The following VIRMA variants were observed in gnomAD, a reference collection of about 807,000 sequenced individuals.
The protein encoded by VIRMA is protein virilizer homolog.
In VIRMA, 65 loss-of-function variants were observed where a neutral mutation model predicts 182.4. The ratio of observed to expected loss-of-function variants is 0.36; its 90% CI spans 0.29 to 0.44. VIRMA has a LOEUF of 0.44. Among genes scored for constraint, VIRMA ranks in the 20% least tolerant of loss-of-function variants. The pLI is 1.00. For missense variants in VIRMA, 1,752 were observed against 2,158.1 expected, an observed-to-expected ratio of 0.81 and a Z score of 3.73; for synonymous variants, 709 against 743.1, an observed-to-expected ratio of 0.95 and a Z score of 0.75.
chr8:94,549,608 T>C (rs540182621), intron 1 of VIRMA, among the ~76,000 whole-genome samples: 1 of 152,348 alleles, frequency 6.6e-6, no homozygotes. Flanking sequence ...GTCAATTCTA[T>C]ACTCGAAATT....
Position 94,526,620 on chromosome 8 carries a change from G to C in VIRMA, c.1624C>G (p.Gln542Glu), listed in dbSNP as rs1356042858. 1 of 1,614,146 alleles carries C rather than the reference G, an allele frequency of 6.2e-7. No homozygotes were observed. The highest frequency in any genetic ancestry group is 8.5e-7 in the Non-Finnish European group (1 of 1,180,030). ...CCAGCAGTAACAACCCTCACAGTCTGATCTAAAAGTATGAGTTCCAGAAGC... is the reference window on the plus strand; with the variant it reads ...CCAGCAGTAACAACCCTCACAGTCTCATCTAAAAGTATGAGTTCCAGAAGC... The part of the protein sequence containing the change: ...QKLLELILLD[Q>E]TVRVVTAGSA... Residue 542 changes from glutamine (Q) to glutamate (E), a missense_variant, in exon 8 of 24, where the codon CAG becomes GAG. Gln to Glu is a conservative substitution (Grantham distance 29). Around this residue, in one of 11 missense-constraint regions of VIRMA, gnomAD observed 401 missense variants for 455.1 expected, o/e 0.88. Coordinates refer to ENST00000297591, the MANE Select transcript of VIRMA (RefSeq NM_015496.5).
intron 5 of VIRMA, among the ~76,000 whole-genome samples, chr8:94,533,168 TAA>T (rs545782345): frequency 8.2e-5 from 11 of 133,750 alleles, no homozygotes; most frequent in Admixed American, 2.3e-4. Context: ...ACGGTTTGGT[TAA>T]AAAAAAAAAA....
intron 22 of VIRMA, 161 bp from the exon 23 acceptor site, chr8:94,490,243 A>T: frequency 1.4e-6 from 1 of 705,276 alleles, no homozygotes; most frequent in Non-Finnish European, 2.2e-6. Flanking sequence ...TTAAGAGCAG[A>T]GGCTCTAGAG....
intron 20 of VIRMA, among the ~76,000 whole-genome samples, chr8:94,494,222 AAG>A (rs1346787968): frequency 2.0e-5 from 3 of 152,182 alleles, no homozygotes; most frequent in Non-Finnish European, 2.9e-5. Flanking sequence ...TGGGAGGCCA[AAG>A]AGAGAGGATT....
At chr8:94,517,740 T>C (rs905320145) in intron 10 of VIRMA, 48 bp downstream of exon 10, 2 of 1,359,052 alleles carry the variant, frequency 1.5e-6, no homozygotes. Flanking sequence ...TTCAAAGGTT[T>C]GTTCCTTCAC....
At chr8:94,502,499 G>C (rs545619928) in intron 16 of VIRMA, among the ~76,000 whole-genome samples, 1 of 151,806 alleles carries the variant, frequency 6.6e-6, no homozygotes, top group Non-Finnish European at 1.5e-5. Flanking sequence ...TCTGTTTTAT[G>C]TAGATAAAAT....
At chr8:94,503,424 G>C (rs1180083940) in intron 16 of VIRMA, among the ~76,000 whole-genome samples, 1 of 152,018 alleles carries the variant, frequency 6.6e-6, no homozygotes, top group African/African-American at 2.4e-5. Context: ...TATCAACAAA[G>C]AATAATGTCA....
At chr8:94,521,253 T>C (rs1057469540) in intron 8 of VIRMA, among the ~76,000 whole-genome samples, 1 of 152,114 alleles carries the variant, frequency 6.6e-6, no homozygotes, top group Admixed American at 6.6e-5. Flanking sequence ...GCCCTCTCTG[T>C]GTCCATGTGT....
intron 16 of VIRMA, among the ~76,000 whole-genome samples, chr8:94,500,497 C>G (rs546979106): frequency 6.6e-6 from 1 of 152,180 alleles, no homozygotes; most frequent in Non-Finnish European, 1.5e-5. Flanking sequence ...AGTCATACTT[C>G]CGTGGTCTAT....
Position 94,548,165 on chromosome 8 carries a change from T to C in VIRMA, c.64-4223A>G, listed in dbSNP as rs569707993. 2.8e-4 allele frequency among the ~76,000 whole-genome samples: 42 copies of C among 150,778 alleles called. 1 individual carries two copies. The highest frequency in any genetic ancestry group is 5.5e-4 in the African/African-American group (22 of 40,272). ...ATGAGACTTACTTTTTACCACATAC[T>C]CTTTTGTACCTTTTGTATTTGTACC... On this transcript the variant is annotated intron_variant, in intron 1 of 23. Coordinates refer to ENST00000297591, the MANE Select transcript of VIRMA (RefSeq NM_015496.5).
chr8:94,492,906 T>C, intron 20 of VIRMA, 88 bp from the exon 21 acceptor site: 1 of 1,050,528 alleles, frequency 9.5e-7, no homozygotes, highest in Non-Finnish European at 1.4e-6. Flanking sequence ...ACCTATAAAT[T>C]ATATTTGCCT....
intron 8 of VIRMA, among the ~76,000 whole-genome samples, chr8:94,522,629 C>T (rs921697844): frequency 6.6e-6 from 1 of 152,138 alleles, no homozygotes; most frequent in African/African-American, 2.4e-5. Context: ...CACTTCCCTT[C>T]GCCTACTAGG....
intron 11 of VIRMA, among the ~76,000 whole-genome samples, chr8:94,513,250 T>C (rs1001459061): frequency 2.0e-5 from 3 of 152,030 alleles, no homozygotes; most frequent in East Asian, 1.9e-4. Context: ...AGGCAGGGAA[T>C]TGCTTGAATC....
intron 2 of VIRMA, among the ~76,000 whole-genome samples, chr8:94,541,573 G>A (rs1197734119): frequency 2.0e-5 from 3 of 151,544 alleles, no homozygotes; most frequent in Non-Finnish European, 2.9e-5. Flanking sequence ...ATGGAGTCTC[G>A]CTCTGTTGCC....
At chr8:94,510,311 A>G in intron 14 of VIRMA, 106 bp downstream of exon 14, 1 of 757,344 alleles carries the variant, frequency 1.3e-6, no homozygotes, top group Non-Finnish European at 2.2e-6. Context: ...TTACATGTAT[A>G]TATGTTATCT....
intron 8 of VIRMA, among the ~76,000 whole-genome samples, chr8:94,520,185 C>CAAAA (rs757063695): frequency 3.7e-4 from 31 of 82,892 alleles, no homozygotes; most frequent in Non-Finnish European, 4.5e-4. Context: ...GACCCTGCAT[C>CAAAA]AAAAAAAAAA....
chr8:94,494,665 G>A (rs1488793410), intron 20 of VIRMA, among the ~76,000 whole-genome samples, 195 bp downstream of exon 20: 1 of 127,468 alleles, frequency 7.8e-6, no homozygotes, highest in Non-Finnish European at 1.7e-5. Context: ...TCACTAACTA[G>A]AAAGAAGCAA....
intron 5 of VIRMA, chr8:94,533,547 T>C (rs879437731): frequency 6.6e-6 from 1 of 150,922 alleles, no homozygotes; most frequent in Non-Finnish European, 1.5e-5. Context: ...GCTCAAGAGA[T>C]CCTCCCACCT....
rs1311996586 is a variant in VIRMA at position 94,543,592 on chromosome 8, T to A, written c.179+235A>T. On this transcript the variant is annotated intron_variant, in intron 2 of 23. Coordinates refer to ENST00000297591, the MANE Select transcript of VIRMA (RefSeq NM_015496.5). ...CTAACACCATCAGTTAAAAAAAAAA[T>A]GAATAAAGAAAAATCTTATCTAGTA... is the stretch of plus-strand genomic sequence containing the variant. Among the ~76,000 whole-genome samples, 3 of 150,694 alleles carry A rather than the reference T, an allele frequency of 2.0e-5. No individual in the cohort carries two copies. In the South Asian group the frequency reaches 6.3e-4, roughly 32 times the overall value.
Sources: allele counts gnomAD v4.1 joint callset (sites outside exome capture counted in the v4.1 genomes callset), GRCh38; gene constraint gnomAD v4.1.1; regional missense constraint gnomAD v4.1.1; transcripts MANE v1.5; gene names NCBI Gene and HGNC (gene_info 2026-07-23, HGNC 2026-07-21).